TMPRSS6: variants seen among roughly 807,000 people sequenced by gnomAD.
TMPRSS6 encodes the protein transmembrane serine protease 6, also known as transmembrane protease serine 6.
A neutral mutation model predicts 101.5 loss-of-function variants in TMPRSS6; 67 were observed. The ratio of observed to expected loss-of-function variants is 0.66; its 90% CI spans 0.54 to 0.81. The LOEUF (loss-of-function observed/expected upper bound fraction) is 0.81, where lower values mean the gene tolerates loss of function less well. TMPRSS6 is among the 30% of genes least tolerant of loss of function. The pLI is 0.00. For synonymous variants in TMPRSS6, 453 were observed against 464.9 expected, an observed-to-expected ratio of 0.97 and a Z score of 0.33; for missense variants, 1,034 against 1,088.7, an observed-to-expected ratio of 0.95 and a Z score of 0.71.
intron 2 of TMPRSS6, among the ~76,000 whole-genome samples, chr22:37,099,304 T>A (rs1428223539): frequency 6.6e-6 from 1 of 152,192 alleles, no homozygotes; most frequent in Non-Finnish European, 1.5e-5. Flanking sequence ...GCTGAAAGCC[T>A]GTTTGGCTGG....
chr22:37,105,708 C>T (rs1301205219), intron 1 of TMPRSS6, among the ~76,000 whole-genome samples: 1 of 152,210 alleles, frequency 6.6e-6, no homozygotes, highest in African/African-American at 2.4e-5. Flanking sequence ...CTCACTCTGT[C>T]ACCCAGGCTG....
chr22:37,078,981 G>GAAAGAA (rs1928014988), intron 10 of TMPRSS6, among the ~76,000 whole-genome samples: 1 of 140,454 alleles, frequency 7.1e-6, no homozygotes, highest in Non-Finnish European at 1.5e-5. Flanking sequence ...GAAAAAGAAA[G>GAAAGAA]AAAGAAAGAA....
At chr22:37,102,284 G>A (rs57009010) in intron 2 of TMPRSS6, among the ~76,000 whole-genome samples, 2,477 of 152,340 alleles carry the variant, frequency 0.016, 63 homozygotes, top group African/African-American at 0.056. Flanking sequence ...ATGCTTTAGC[G>A]TAAATGTCAG....
intron 3 of TMPRSS6, among the ~76,000 whole-genome samples, chr22:37,098,038 C>T (rs1216907002): frequency 3.9e-4 from 5 of 12,760 alleles, no homozygotes; most frequent in East Asian, 5.0e-3. Context: ...GGGGCAGGAG[C>T]GGCCACCGTC....
At position 37,069,358 on chromosome 22, in the gene TMPRSS6, GGGTGGGGTGGGGTGGGGTGA is replaced by G; in HGVS notation, c.1842-34_1842-15del. The G allele has an allele frequency of 2.0e-6, 3 of 1,485,496 alleles. No individual in the cohort carries two copies. Among genetic ancestry groups the G allele is most frequent in the Non-Finnish European group, 2.7e-6 (3 of 1,100,012 alleles). 92.0% of individuals were successfully genotyped at this position (1,485,496 alleles called of 1,614,324 possible). A position where few individuals can be genotyped will look rare whatever the true frequency, so the allele number is the denominator to read the frequency against. On this transcript the variant is annotated splice_polypyrimidine_tract_variant and intron_variant, in intron 15 of 17. Coordinates refer to ENST00000676104, the MANE Select transcript of TMPRSS6 (RefSeq NM_001374504.1). The surrounding 1 kb of genome is among the most constrained non-coding windows in gnomAD (Gnocchi z 4.8). The stretch of plus-strand genomic sequence containing the variant: ...GTGGAGGCCATGCTGGGGTGGGGTG[GGGTGGGGTGGGGTGGGGTGA>G]GGTGAGGTGGGAGGAAGCTGCCTCT...
chr22:37,098,165 A>G (rs1047521664), intron 3 of TMPRSS6, among the ~76,000 whole-genome samples: 1 of 151,798 alleles, frequency 6.6e-6, no homozygotes, highest in Non-Finnish European at 1.5e-5. Context: ...GCACTGTGGG[A>G]CCTTTCCCAA....
At chr22:37,070,828 G>C in intron 14 of TMPRSS6, 88 bp downstream of exon 14, 1 of 1,411,962 alleles carries the variant, frequency 7.1e-7, no homozygotes, top group East Asian at 2.3e-5. Flanking sequence ...GAGACCAGGG[G>C]ACAACAGTGA....
chr22:37,095,585 A>T lies in TMPRSS6; in HGVS notation c.597T>A (p.Ser199Arg), dbSNP rs1438479587. 6.2e-7 allele frequency: 1 copy of T among 1,611,316 alleles called. No homozygotes were observed. Among genetic ancestry groups the T allele is most frequent in the Non-Finnish European group, 8.5e-7 (1 of 1,179,418 alleles). ...DPEGLVILEA[S>R]VKDIAALNST... ...AATTCAATGCAGCTATGTCTTTCAC[A>T]CTGGCTTCTGATAAAAGGAAATGAA... Residue 199 changes from serine to arginine, a missense_variant, in exon 6 of 18, where the codon AGT becomes AGA. Transcript: ENST00000676104.
chr22:37,076,444 C>T, intron 10 of TMPRSS6, among the ~76,000 whole-genome samples: 1 of 152,232 alleles, frequency 6.6e-6, no homozygotes. Flanking sequence ...CCCTGCCATA[C>T]CACCACCAAG....
rs73884547 is a variant in TMPRSS6 at position 37,103,485 on chromosome 22, G to T, written c.-1-67C>A. 2.1e-5 allele frequency: 34 copies of T among 1,614,104 alleles called. No individual in the cohort carries two copies. In the African/African-American group the frequency reaches 4.1e-4, roughly 20 times the overall value. Reference sequence around the variant, plus strand: ...TGCAAGGGAGCCTCTGCTGAGCACCGGTGGGGCACGGAAGCAGGACTTCCC... The same window carrying T: ...TGCAAGGGAGCCTCTGCTGAGCACCTGTGGGGCACGGAAGCAGGACTTCCC... On this transcript the variant is annotated intron_variant, in intron 1 of 17. Transcript: ENST00000676104. This position sits in a 1 kb window ranked among gnomAD's most constrained non-coding sequence, Gnocchi z 4.4.
At chr22:37,076,888 C>A (rs1927721767) in intron 10 of TMPRSS6, among the ~76,000 whole-genome samples, 1 of 152,226 alleles carries the variant, frequency 6.6e-6, no homozygotes, top group Non-Finnish European at 1.5e-5. Context: ...CAGAGAGCAT[C>A]AGGAATGCCC....
intron 10 of TMPRSS6, among the ~76,000 whole-genome samples, chr22:37,076,549 C>A (rs1927688390): frequency 6.6e-6 from 1 of 152,180 alleles, no homozygotes; most frequent in African/African-American, 2.4e-5. Flanking sequence ...CCTCCCATCT[C>A]CAGGGCATGG....
At chr22:37,107,836 C>G (rs1930808070) in intron 1 of TMPRSS6, among the ~76,000 whole-genome samples, 1 of 152,212 alleles carries the variant, frequency 6.6e-6, no homozygotes, top group Non-Finnish European at 1.5e-5. Flanking sequence ...ACTCCCGTCT[C>G]TCCTGCATTT....
intron 10 of TMPRSS6, among the ~76,000 whole-genome samples, chr22:37,083,402 C>T (rs1330592840): frequency 6.6e-6 from 1 of 152,226 alleles, no homozygotes; most frequent in Non-Finnish European, 1.5e-5. Context: ...GCACCTGAGC[C>T]TCCTTCTCTC....
chr22:37,069,080 G>C lies in TMPRSS6; in HGVS notation c.2106C>G (p.Arg702=). 1 of 1,542,778 alleles carries C rather than the reference G, an allele frequency of 6.5e-7. No homozygotes were observed. ...CAAGTCCCCGCTGCTCACCGCCCTC[G>C]CGCAAGGCGCCCCAGCCCGTAATCC... The part of the protein sequence containing the change: ...HCWITGWGAL[R]EGGPISNALQ... The change falls in exon 16 of 18, where the codon CGC becomes CGG. Residue 702 remains arginine (R), a synonymous_variant. Coordinates refer to ENST00000676104, the MANE Select transcript of TMPRSS6 (RefSeq NM_001374504.1). This position sits in a 1 kb window ranked among gnomAD's most constrained non-coding sequence, Gnocchi z 4.8.
Position 37,070,538 on chromosome 22 carries a change from G to GCC in TMPRSS6, c.1785_1786dup (p.Ala596GlyfsTer9). 2 of 1,613,250 alleles carry GCC rather than the reference G, an allele frequency of 1.2e-6. No individual in the cohort carries two copies. ...TATCACCCAGCGGTCAGCGATGAGG[G>GCC]CCCCCCCACAGATGTGTCGACCCCG... On this transcript the variant is annotated frameshift_variant, in exon 15 of 18. Transcript: ENST00000676104. LOFTEE classifies it high-confidence loss of function.
chr22:37,094,185 T>A (rs1569019509), intron 6 of TMPRSS6, among the ~76,000 whole-genome samples: 1 of 152,128 alleles, frequency 6.6e-6, no homozygotes, highest in Admixed American at 6.5e-5. Flanking sequence ...TACTATTGGT[T>A]GTAGATTATC....
Position 37,065,999 on chromosome 22 carries a change from A to G in TMPRSS6, c.*81T>C. On this transcript the variant is annotated 3_prime_UTR_variant, in exon 18 of 18. Coordinates refer to ENST00000676104, the MANE Select transcript of TMPRSS6 (RefSeq NM_001374504.1). The stretch of plus-strand genomic sequence containing the variant: ...TGCTCTCTCCCCCACCCCCCGCCAG[A>G]ATACTTGTCCCCCTGCTTGGCAGTT... 2.0e-6 allele frequency: 3 copies of G among 1,483,598 alleles called. No homozygotes were observed. The highest frequency in any genetic ancestry group is 2.4e-5 in the East Asian group (1 of 41,122). The allele number at this position is 1,483,598 out of a possible 1,614,324, so 91.9% of individuals were successfully genotyped here. A position where few individuals can be genotyped will look rare whatever the true frequency, so the allele number is the denominator to read the frequency against.
At chr22:37,099,957 C>G (rs775181328) in intron 2 of TMPRSS6, among the ~76,000 whole-genome samples, 8 of 149,768 alleles carry the variant, frequency 5.3e-5, no homozygotes, top group Non-Finnish European at 1.2e-4. Flanking sequence ...TTTTTGTTTT[C>G]TTTTTGTTTT....
Sources: allele counts gnomAD v4.1 joint callset (sites outside exome capture counted in the v4.1 genomes callset), GRCh38; gene constraint gnomAD v4.1.1; non-coding constraint Gnocchi (gnomAD v3.1); transcripts MANE v1.5; gene names NCBI Gene and HGNC (gene_info 2026-07-23, HGNC 2026-07-21).